The following CELSR1 variants were observed in gnomAD, a reference collection of about 807,000 sequenced individuals.
CELSR1 encodes adhesion G protein-coupled receptor C1.
Under a neutral mutation model 249.1 loss-of-function variants are expected in CELSR1, and 110 were observed. The ratio of observed to expected loss-of-function variants is 0.44; its 90% CI spans 0.38 to 0.52. CELSR1 has a LOEUF of 0.52. Among genes scored for constraint, CELSR1 ranks in the 20% least tolerant of loss-of-function variants. The probability of loss-of-function intolerance (pLI) is 0.00; values close to 1 mark genes in which losing one functional copy is unlikely to be tolerated. For missense variants in CELSR1, 4,109 were observed against 4,296.4 expected, an observed-to-expected ratio of 0.96 and a Z score of 1.22; for synonymous variants, 2,113 against 1,900.0, an observed-to-expected ratio of 1.11 and a Z score of -2.92.
rs143490243 is a variant in CELSR1 at position 46,399,885 on chromosome 22, G to C, written c.5244C>G (p.Leu1748=). Residue 1748 remains leucine (L), a synonymous_variant, in exon 10 of 35, where the codon CTC becomes CTG. Coordinates refer to ENST00000674500, the MANE Select transcript of CELSR1 (RefSeq NM_001378328.1). This position sits in a 1 kb window ranked among gnomAD's most constrained non-coding sequence, Gnocchi z 5.0. ...SFRLQILNNY[L]QFEVSHGPSD... ...AGGGGCCGTGGGACACCTCAAACTG[G>C]AGGTAGTTGTTCAGGATCTGGAGCA... The C allele has an allele frequency of 1.9e-5, 30 of 1,613,996 alleles. No homozygotes were observed. The African/African-American group carries it at 3.7e-4, about 20-fold the overall frequency.
intron 2 of CELSR1, among the ~76,000 whole-genome samples, chr22:46,443,674 T>C (rs759681941): frequency 6.7e-6 from 1 of 149,780 alleles, no homozygotes; most frequent in Non-Finnish European, 1.5e-5. Context: ...CACACACACA[T>C]ACATACACAT....
chr22:46,378,956 G>A (rs1248859355), intron 22 of CELSR1, among the ~76,000 whole-genome samples: 3 of 152,198 alleles, frequency 2.0e-5, no homozygotes, highest in Admixed American at 6.5e-5. Context: ...CCTCACTGCC[G>A]CGGAGGCAGG....
chr22:46,420,308 A>G (rs914665865), intron 5 of CELSR1, among the ~76,000 whole-genome samples: 12 of 142,904 alleles, frequency 8.4e-5, no homozygotes, highest in African/African-American at 2.6e-4. Context: ...ACTCATGTGC[A>G]CTCACGTATG....
In CELSR1 at chr22:46,410,808, C is replaced by A. The variant is rs996696701; in HGVS notation, c.4770-247G>T. Among the ~76,000 whole-genome samples the A allele has an allele frequency of 6.6e-6, 1 of 152,018 alleles. No individual in the cohort carries two copies. The highest frequency in any genetic ancestry group is 1.5e-5 in the Non-Finnish European group (1 of 68,000). On this transcript the variant is annotated intron_variant, in intron 6 of 34. Transcript: ENST00000674500. The surrounding 1 kb of genome is among the most constrained non-coding windows in gnomAD (Gnocchi z 6.8). ...TCACGCTCACCAGTGACCACCAAGC[C>A]CCGCCCACCCAGGCTGGTCCACACC...
At chr22:46,444,758 C>G (rs2147494581) in intron 2 of CELSR1, among the ~76,000 whole-genome samples, 1 of 152,308 alleles carries the variant, frequency 6.6e-6, no homozygotes, top group Non-Finnish European at 1.5e-5. Flanking sequence ...ATCAAGGTAT[C>G]AGCAGGGCCC....
Position 46,454,669 on chromosome 22 carries a change from G to T in CELSR1, c.4183+9038C>A, listed in dbSNP as rs892911168. Among the ~76,000 whole-genome samples the T allele has an allele frequency of 6.6e-6, 1 of 152,226 alleles. No homozygotes were observed. The highest frequency in any genetic ancestry group is 2.4e-5 in the African/African-American group (1 of 41,458). Reference sequence around the variant, plus strand: ...CAGCTCGCCCACCTCCAAGCTGTCCGGGTGGGACGCGGGAAACCCTCTGCT... The same window carrying T: ...CAGCTCGCCCACCTCCAAGCTGTCCTGGTGGGACGCGGGAAACCCTCTGCT... On this transcript the variant is annotated intron_variant, in intron 2 of 34. Coordinates refer to ENST00000674500, the MANE Select transcript of CELSR1 (RefSeq NM_001378328.1). The surrounding 1 kb of genome is among the most constrained non-coding windows in gnomAD (Gnocchi z 5.1).
At chr22:46,416,388 C>A (rs1238431509) in intron 5 of CELSR1, among the ~76,000 whole-genome samples, 1 of 152,190 alleles carries the variant, frequency 6.6e-6, no homozygotes, top group African/African-American at 2.4e-5. Context: ...CCCCCCCCAA[C>A]CCCTGCACCA....
intron 1 of CELSR1, among the ~76,000 whole-genome samples, chr22:46,507,301 C>T (rs1340382131): frequency 6.6e-6 from 1 of 152,172 alleles, no homozygotes; most frequent in Admixed American, 6.5e-5. Context: ...GCTGGGGGGC[C>T]TCCGTCCAGC....
intron 2 of CELSR1, among the ~76,000 whole-genome samples, chr22:46,451,283 G>T (rs943694600): frequency 1.3e-5 from 2 of 152,218 alleles, no homozygotes; most frequent in Admixed American, 6.5e-5. Flanking sequence ...AGCTGGGAAG[G>T]GGGAGGCCAG....
chr22:46,480,559 T>A (rs1342060052), intron 1 of CELSR1, among the ~76,000 whole-genome samples: 1 of 152,326 alleles, frequency 6.6e-6, no homozygotes, highest in East Asian at 1.9e-4. Context: ...AGTGACCTCA[T>A]GGATTTTGTT....
Position 46,536,330 on chromosome 22 carries a change from T to G in CELSR1, c.841A>C (p.Ser281Arg), listed in dbSNP as rs2080855203. ...YTIEGEEERV[S>R]YYMEGLFDER... ...TCGAACAGCCCCTCCATGTAATAGC[T>G]CACGCGCTCCTCCTCGCCCTCGATG... The change falls in exon 1 of 35, where the codon AGC becomes CGC. Residue 281 changes from serine (S) to arginine (R), a missense_variant. Coordinates refer to ENST00000674500, the MANE Select transcript of CELSR1 (RefSeq NM_001378328.1). 2 of 1,612,690 alleles carry G rather than the reference T, an allele frequency of 1.2e-6. No homozygotes were observed. The highest frequency in any genetic ancestry group is 4.5e-5 in the East Asian group (2 of 44,872).
In CELSR1 at chr22:46,440,940, G is replaced by A. The variant is rs2079738626; in HGVS notation, c.4184-1529C>T. The stretch of plus-strand genomic sequence containing the variant: ...GGCTGAGGTGGGTGGATGTCTTGAG[G>A]CCAGGAGTTGAAGACCAGCCTGGCC... On this transcript the variant is annotated intron_variant, in intron 2 of 34. Coordinates refer to ENST00000674500, the MANE Select transcript of CELSR1 (RefSeq NM_001378328.1). The surrounding 1 kb of genome is among the most constrained non-coding windows in gnomAD (Gnocchi z 4.7). Among the ~76,000 whole-genome samples, 1 of 152,042 alleles carries A rather than the reference G, an allele frequency of 6.6e-6. No individual in the cohort carries two copies. Among genetic ancestry groups the A allele is most frequent in the South Asian group, 2.1e-4 (1 of 4,818 alleles).
intron 5 of CELSR1, among the ~76,000 whole-genome samples, chr22:46,431,682 C>A (rs146376910): frequency 1.1e-4 from 17 of 152,346 alleles, no homozygotes; most frequent in African/African-American, 3.8e-4. Flanking sequence ...CAGGACGCAA[C>A]GGCCACCCGT....
intron 2 of CELSR1, among the ~76,000 whole-genome samples, chr22:46,462,552 A>G (rs1301448109): frequency 6.6e-6 from 1 of 152,036 alleles, no homozygotes; most frequent in Non-Finnish European, 1.5e-5. Flanking sequence ...TCAGGTGTTT[A>G]TATTAAACAG....
chr22:46,464,024 G>A lies in CELSR1; in HGVS notation c.3866C>T (p.Thr1289Met), dbSNP rs149114306. Residue 1289 changes from threonine to methionine, a missense_variant, in exon 2 of 35, where the codon ACG becomes ATG. By Grantham distance (81) the Thr-to-Met change is moderately conservative (BLOSUM62 -1). Around this residue, in one of 7 missense-constraint regions of CELSR1, gnomAD observed 141 missense variants for 209.4 expected, o/e 0.67. Coordinates refer to ENST00000674500, the MANE Select transcript of CELSR1 (RefSeq NM_001378328.1). The surrounding 1 kb of genome is among the most constrained non-coding windows in gnomAD (Gnocchi z 8.5). ...DLQEQIYLNR[T>M]LLTTISTQRV... ...CTGCGTGGAGATGGTGGTCAGCAGC[G>A]TCCGATTCAGGTAGATCTGCTCCTG... The A allele has an allele frequency of 4.2e-5, 68 of 1,613,706 alleles. No individual in the cohort carries two copies. The African/African-American group carries it at 6.5e-4, about 16-fold the overall frequency.
chr22:46,388,545 G>A (rs550241319), intron 18 of CELSR1, among the ~76,000 whole-genome samples: 1 of 151,950 alleles, frequency 6.6e-6, no homozygotes, highest in East Asian at 1.9e-4. Context: ...GGCCCTTTGT[G>A]GATGAGGAGG....
intron 1 of CELSR1, among the ~76,000 whole-genome samples, chr22:46,510,119 C>T (rs540466032): frequency 6.6e-5 from 10 of 152,356 alleles, no homozygotes; most frequent in Admixed American, 2.6e-4. Context: ...ATCCAGCAGA[C>T]GAGGACGGCC....
In CELSR1 at chr22:46,446,241, CCTCT is replaced by C. The variant is rs571606344; in HGVS notation, c.4184-6834_4184-6831del. ...TGCAGGCCATCCTCCAGCCCCGCGT[CCTCT>C]CTCTTAGTCTCTGCATGTGGCTTTC... is the stretch of plus-strand genomic sequence containing the variant. On this transcript the variant is annotated intron_variant, in intron 2 of 34. Transcript: ENST00000674500. This position sits in a 1 kb window ranked among gnomAD's most constrained non-coding sequence, Gnocchi z 5.5. Among the ~76,000 whole-genome samples the C allele has an allele frequency of 5.9e-5, 9 of 152,200 alleles. No homozygotes were observed. The highest frequency in any genetic ancestry group is 1.2e-4 in the Non-Finnish European group (8 of 68,048).
At chr22:46,457,231 G>A (rs547766665) in intron 2 of CELSR1, among the ~76,000 whole-genome samples, 1 of 152,254 alleles carries the variant, frequency 6.6e-6, no homozygotes, top group East Asian at 1.9e-4. Flanking sequence ...TGTAATCCCA[G>A]CTACTCGGGA....
Sources: gnomAD v4.1 joint callset for allele counts (sites outside exome capture counted in the v4.1 genomes callset) on GRCh38, gnomAD v4.1.1 for gene constraint, gnomAD v4.1.1 regional missense constraint, Gnocchi (gnomAD v3.1) non-coding constraint, MANE v1.5 for transcripts, NCBI Gene and HGNC (gene_info 2026-07-23, HGNC 2026-07-21) for gene names.